The following BATF3 variants were observed in gnomAD, a reference collection of about 807,000 sequenced individuals.
BATF3 encodes the protein basic leucine zipper ATF-like transcription factor 3.
BATF3 carries 8 observed loss-of-function variants against 16.1 expected under a neutral mutation model. That is an observed-to-expected ratio of 0.50 (90% CI 0.29 to 0.90). The LOEUF (loss-of-function observed/expected upper bound fraction) is 0.90, where lower values mean the gene tolerates loss of function less well. Among genes scored for constraint, BATF3 ranks in the 40% least tolerant of loss-of-function variants. The pLI, the probability that BATF3 is intolerant of heterozygous loss-of-function variation, is 0.08. For synonymous variants in BATF3, 74 were observed against 72.7 expected (o/e 1.02, Z -0.09); for missense variants, 139 against 167.0 (o/e 0.83, Z 0.92).
At chr1:212,688,023 GGAAGGAAGGAAGGAAGGA>G (rs1656896709) in intron 2 of BATF3, among the ~76,000 whole-genome samples, 1 of 111,954 alleles carries the variant, frequency 8.9e-6, no homozygotes, top group African/African-American at 3.2e-5. Flanking sequence ...AAGGAAGGAA[GGAAGGAAGGAAGGAAGGA>G]GAGAGAAAGA....
At position 212,686,837 on chromosome 1, in the gene BATF3, G is replaced by A. The variant is rs775853352; in HGVS notation, c.338C>T (p.Pro113Leu). 6.8e-6 allele frequency: 11 copies of A among 1,613,938 alleles called. No homozygotes were observed. The highest frequency in any genetic ancestry group is 9.3e-6 in the Non-Finnish European group (11 of 1,179,968). The change falls in exon 3 of 3, where the codon CCA (proline) becomes CTA (leucine). Residue 113 changes from proline (P) to leucine (L), a missense_variant. Physicochemically the swap from Pro to Leu is moderately conservative, Grantham distance 98. Coordinates refer to ENST00000243440, the MANE Select transcript of BATF3 (RefSeq NM_018664.3). ...CACAGGGTCCGGCCGGGGAGGCACT[G>A]GCACAAAGTTCATAGGGCAGAGCAG... ...PLLLCPMNFV[P>L]VPPRPDPVAG...
chr1:212,699,720 T>C lies in BATF3; in HGVS notation c.43A>G (p.Ser15Gly). The change falls in exon 1 of 3, where the codon AGC becomes GGC. Residue 15 changes from serine to glycine, a missense_variant. Coordinates refer to ENST00000243440, the MANE Select transcript of BATF3 (RefSeq NM_018664.3). The surrounding 1 kb of genome is among the most constrained non-coding windows in gnomAD (Gnocchi z 4.4). ...LPAAGSVLQR[S>G]VAAPGNQPQP... The stretch of plus-strand genomic sequence containing the variant: ...GGCTGGTTCCCGGGCGCCGCGACGC[T>C]CCTCTGCAGGACGCTGCCGGCGGCC... 1.5e-6 allele frequency: 2 copies of C among 1,342,518 alleles called. No individual in the cohort carries two copies. Among genetic ancestry groups the C allele is most frequent in the South Asian group, 1.9e-5 (1 of 53,634 alleles). 83.2% of individuals were successfully genotyped at this position (1,342,518 alleles called of 1,614,324 possible).
intron 2 of BATF3, among the ~76,000 whole-genome samples, chr1:212,695,081 G>T (rs1481602508): frequency 6.6e-6 from 1 of 152,186 alleles, no homozygotes; most frequent in East Asian, 1.9e-4. Context: ...CATGGCAGGA[G>T]ACCTGGCACA....
chr1:212,693,405 TATACAGGTGG>T (rs1657048176), intron 2 of BATF3, among the ~76,000 whole-genome samples: 1 of 152,194 alleles, frequency 6.6e-6, no homozygotes, highest in African/African-American at 2.4e-5. Context: ...CTGGGGTCTG[TATACAGGTGG>T]AGCCGCTGTC....
chr1:212,690,294 G>T (rs936096021), intron 2 of BATF3, among the ~76,000 whole-genome samples: 8 of 152,180 alleles, frequency 5.3e-5, no homozygotes, highest in African/African-American at 1.9e-4. Context: ...TCTGGAAGCC[G>T]TGCGCAGCCC....
In BATF3 at chr1:212,687,466, C is replaced by CCT. The variant is rs558058029; in HGVS notation, c.196-489_196-488dup. On this transcript the variant is annotated intron_variant, in intron 2 of 2. Coordinates refer to ENST00000243440, the MANE Select transcript of BATF3 (RefSeq NM_018664.3). ...TGCCTTGGCTTTGCTCCAGCACTCA[C>CCT]CTGTTCAGTTTCCTCTCCATCAGGG... 2.5e-3 allele frequency: 407 copies of CCT among 163,584 alleles called. 5 individuals carry two copies. The highest frequency in any genetic ancestry group is 9.3e-3 in the African/African-American group (391 of 41,920). The allele number at this position is 163,584 out of a possible 1,614,324, so 10.1% of individuals were successfully genotyped here.
chr1:212,686,582 G>T lies in BATF3; in HGVS notation c.*209C>A. On this transcript the variant is annotated 3_prime_UTR_variant, in exon 3 of 3. Coordinates refer to ENST00000243440, the MANE Select transcript of BATF3 (RefSeq NM_018664.3). ...AGTCACTCCTGAGGGTGGCCTCCAT[G>T]CTGGATCTGCACAAGGGCTCTGTGA... 1 of 744,580 alleles carries T rather than the reference G, an allele frequency of 1.3e-6. No homozygotes were observed. Among genetic ancestry groups the T allele is most frequent in the Non-Finnish European group, 2.1e-6 (1 of 484,244 alleles). The allele number at this position is 744,580 out of a possible 1,614,324, so 46.1% of individuals were successfully genotyped here.
At chr1:212,697,282 A>G in intron 1 of BATF3, 1 of 496,274 alleles carries the variant, frequency 2.0e-6, no homozygotes. Flanking sequence ...CGTTTAAAAG[A>G]TGAGGAATAA....
rs993663576 is a variant in BATF3, at chr1:212,699,170, T to G, written c.90+503A>C. ...AGCGAACTGGGAAGGGGCAAAGGGT[T>G]TCCACCAGCTGGGGGCGGAGTCGGC... On this transcript the variant is annotated intron_variant, in intron 1 of 2. Transcript: ENST00000243440. The surrounding 1 kb of genome is among the most constrained non-coding windows in gnomAD (Gnocchi z 4.4). 3.9e-5 allele frequency among the ~76,000 whole-genome samples: 6 copies of G among 152,220 alleles called. No individual in the cohort carries two copies. Among genetic ancestry groups the G allele is most frequent in the Non-Finnish European group, 8.8e-5 (6 of 68,024 alleles).
chr1:212,695,836 C>A (rs191816262), intron 2 of BATF3, among the ~76,000 whole-genome samples: 1 of 152,062 alleles, frequency 6.6e-6, no homozygotes, highest in South Asian at 2.1e-4. Flanking sequence ...TGCATGAGGG[C>A]GGAGGGAAAA....
chr1:212,697,092 A>G (rs1417826223), intron 1 of BATF3, 27 bp from the exon 2 acceptor site: 1 of 1,581,258 alleles, frequency 6.3e-7, no homozygotes, highest in Non-Finnish European at 8.7e-7. Context: ...GGTGGGTGTG[A>G]TGTCGTGGCC....
chr1:212,689,734 C>T lies in BATF3; in HGVS notation c.196-2755G>A, dbSNP rs1362882173. 6.6e-6 allele frequency among the ~76,000 whole-genome samples: 1 copy of T among 151,836 alleles called. No individual in the cohort carries two copies. Among genetic ancestry groups the T allele is most frequent in the Non-Finnish European group, 1.5e-5 (1 of 67,936 alleles). Reference sequence around the variant, plus strand: ...TCACACACTCTCATACACATTCACACACTCTTACACACATACACATATACA... The same window carrying T: ...TCACACACTCTCATACACATTCACATACTCTTACACACATACACATATACA... On this transcript the variant is annotated intron_variant, in intron 2 of 2. Coordinates refer to ENST00000243440, the MANE Select transcript of BATF3 (RefSeq NM_018664.3). This position sits in a 1 kb window ranked among gnomAD's most constrained non-coding sequence, Gnocchi z 4.6.
chr1:212,696,505 A>G (rs1995689), intron 2 of BATF3, among the ~76,000 whole-genome samples: 23,481 of 151,758 alleles, frequency 0.15, 1,976 homozygotes, highest in South Asian at 0.26. Context: ...GTGTATATAT[A>G]TGTGTGTTGA....
rs1233649107 is a variant in BATF3 at position 212,699,508 on chromosome 1, A to T, written c.90+165T>A. Among the ~76,000 whole-genome samples the T allele has an allele frequency of 3.3e-5, 5 of 151,624 alleles. No individual in the cohort carries two copies. In the East Asian group the frequency reaches 9.8e-4, roughly 30 times the overall value. ...ACGACAGGGTCCCTGGATCGCCCCC[A>T]TTCCCCAACATCCCTACGCCCCTAC... On this transcript the variant is annotated intron_variant, in intron 1 of 2. Transcript: ENST00000243440. The surrounding 1 kb of genome is among the most constrained non-coding windows in gnomAD (Gnocchi z 4.4).
intron 2 of BATF3, among the ~76,000 whole-genome samples, chr1:212,692,499 G>A (rs141871161): frequency 0.012 from 1,832 of 152,236 alleles, 21 homozygotes; most frequent in South Asian, 0.028. Context: ...GTGCAGTGGC[G>A]TGATCTCGGC....
intron 2 of BATF3, among the ~76,000 whole-genome samples, chr1:212,694,516 A>T (rs1657080668): frequency 6.6e-6 from 1 of 152,186 alleles, no homozygotes; most frequent in South Asian, 2.1e-4. Flanking sequence ...TCCTCCAGAT[A>T]CGTATTCAGT....
chr1:212,692,312 T>A (rs1319554592), intron 2 of BATF3, among the ~76,000 whole-genome samples: 1 of 152,128 alleles, frequency 6.6e-6, no homozygotes, highest in African/African-American at 2.4e-5. Context: ...ATACAGGGAT[T>A]AACATGGCCC....
intron 2 of BATF3, among the ~76,000 whole-genome samples, chr1:212,687,992 AAAGAAAGGAAGGAAGG>A (rs756352334): frequency 1.3e-4 from 17 of 130,310 alleles, no homozygotes; most frequent in Non-Finnish European, 2.6e-4. Context: ...AGAAAGAAAG[AAAGAAAGGAAGGAAGG>A]AAGGAAGGAA....
intron 2 of BATF3, among the ~76,000 whole-genome samples, chr1:212,690,294 G>A (rs936096021): frequency 3.9e-5 from 6 of 152,180 alleles, no homozygotes; most frequent in Non-Finnish European, 7.3e-5. Flanking sequence ...TCTGGAAGCC[G>A]TGCGCAGCCC....
Sources: gnomAD v4.1 joint callset for allele counts (sites outside exome capture counted in the v4.1 genomes callset) on GRCh38, gnomAD v4.1.1 for gene constraint, Gnocchi (gnomAD v3.1) non-coding constraint, MANE v1.5 for transcripts, NCBI Gene and HGNC (gene_info 2026-07-23, HGNC 2026-07-21) for gene names.